The following ERICH6B variants were observed in gnomAD, a reference collection of about 807,000 sequenced individuals.
ERICH6B encodes glutamate-rich protein 6B.
ERICH6B carries 69 observed loss-of-function variants against 80.0 expected under a neutral mutation model. That is an observed-to-expected ratio of 0.86 (90% CI 0.71 to 1.05). ERICH6B has a LOEUF of 1.05. ERICH6B is among the 50% of genes least tolerant of loss of function. The pLI is 0.00. For synonymous variants in ERICH6B, 283 were observed against 291.9 expected, an observed-to-expected ratio of 0.97 and a Z score of 0.31; for missense variants, 754 against 796.1, an observed-to-expected ratio of 0.95 and a Z score of 0.64.
At chr13:45,609,531 G>C (rs1019175599) in intron 1 of ERICH6B, among the ~76,000 whole-genome samples, 4 of 152,124 alleles carry the variant, frequency 2.6e-5, no homozygotes, top group African/African-American at 9.7e-5. Flanking sequence ...CATGTTCTTT[G>C]GTCTGTAGAT....
intron 1 of ERICH6B, among the ~76,000 whole-genome samples, chr13:45,613,374 C>T (rs1169863153): frequency 6.6e-6 from 1 of 151,996 alleles, no homozygotes; most frequent in African/African-American, 2.4e-5. Flanking sequence ...GTCAGGGGTT[C>T]AGAAAATTAG....
intron 2 of ERICH6B, among the ~76,000 whole-genome samples, chr13:45,606,535 ATATATATATATATTTTTTTT>A (rs201983575): frequency 6.7e-3 from 96 of 14,422 alleles, no homozygotes; most frequent in South Asian, 0.013. Context: ...ATATATATAT[ATATATATATATATTTTTTTT>A]TTTTTTTTTT....
intron 11 of ERICH6B, among the ~76,000 whole-genome samples, chr13:45,553,936 T>G (rs572770030): frequency 2.0e-5 from 3 of 152,228 alleles, no homozygotes; most frequent in African/African-American, 4.8e-5. Flanking sequence ...ATTTAACATA[T>G]GCATTACCTC....
chr13:45,582,778 A>G (rs1310361816), intron 5 of ERICH6B, among the ~76,000 whole-genome samples: 1 of 152,210 alleles, frequency 6.6e-6, no homozygotes, highest in Non-Finnish European at 1.5e-5. Context: ...TTGTCCAGGA[A>G]CATCAGGAAA....
intron 1 of ERICH6B, among the ~76,000 whole-genome samples, chr13:45,609,039 C>A (rs999810777): frequency 3.9e-5 from 6 of 152,240 alleles, no homozygotes; most frequent in Admixed American, 1.3e-4. Flanking sequence ...TTCCTGCTAC[C>A]ACCACTGCCA....
Position 45,590,582 on chromosome 13 carries a change from A to G in ERICH6B, c.686+67T>C, listed in dbSNP as rs1052481500. 4.1e-6 allele frequency: 6 copies of G among 1,448,550 alleles called. No individual in the cohort carries two copies. In the African/African-American group the frequency reaches 8.5e-5, roughly 21 times the overall value. 89.7% of individuals were successfully genotyped at this position (1,448,550 alleles called of 1,614,324 possible). A position where few individuals can be genotyped will look rare whatever the true frequency, so the allele number is the denominator to read the frequency against. On this transcript the variant is annotated intron_variant, in intron 4 of 14. Coordinates refer to ENST00000298738, the MANE Select transcript of ERICH6B (RefSeq NM_182542.3). ...GCCACTCCCTGTCCTGTGTTCTCCAAGGGCTGCTGAAACATTGTCCCCAAG... is the reference window on the plus strand; with the variant it reads ...GCCACTCCCTGTCCTGTGTTCTCCAGGGGCTGCTGAAACATTGTCCCCAAG...
intron 11 of ERICH6B, among the ~76,000 whole-genome samples, chr13:45,553,298 G>T (rs938805613): frequency 2.6e-5 from 4 of 152,164 alleles, no homozygotes; most frequent in Admixed American, 6.5e-5. Flanking sequence ...GCTGGGGACC[G>T]CATTGCCAGT....
intron 5 of ERICH6B, among the ~76,000 whole-genome samples, chr13:45,582,186 C>T (rs1387413158): frequency 6.6e-6 from 1 of 152,216 alleles, no homozygotes; most frequent in Non-Finnish European, 1.5e-5. Flanking sequence ...TGTTGAGCCC[C>T]CACCAAGCTC....
intron 3 of ERICH6B, among the ~76,000 whole-genome samples, chr13:45,593,362 G>C (rs1192401897): frequency 6.6e-6 from 1 of 152,090 alleles, no homozygotes; most frequent in Non-Finnish European, 1.5e-5. Context: ...ATGTGGCTAG[G>C]GGTGTGTGGC....
chr13:45,569,212 G>A (rs909790943), intron 8 of ERICH6B, among the ~76,000 whole-genome samples: 1 of 152,018 alleles, frequency 6.6e-6, no homozygotes, highest in Admixed American at 6.6e-5. Flanking sequence ...TGCAACCTCC[G>A]CCTCCCGGGT....
chr13:45,568,085 A>G (rs17068920), intron 9 of ERICH6B, among the ~76,000 whole-genome samples: 33,848 of 152,090 alleles, frequency 0.22, 8,873 homozygotes, highest in African/African-American at 0.63. Context: ...TGCTTGCAAT[A>G]TCCTTGCTCT....
rs28711775 is a variant in ERICH6B, at chr13:45,596,636, C to T, written c.370G>A (p.Glu124Lys). The T allele has an allele frequency of 2.6e-6, 4 of 1,547,154 alleles. No individual in the cohort carries two copies. Among genetic ancestry groups the T allele is most frequent in the Non-Finnish European group, 3.5e-6 (4 of 1,143,380 alleles). Residue 124 changes from glutamate to lysine, a missense_variant, in exon 3 of 15, where the codon GAG becomes AAG. Transcript: ENST00000298738. Reference sequence around the variant, plus strand: ...TCTTCCTTCCCCAGGTACTCTTCCTCCTCCAGATACCCTTCCTTCCCCAGA... The same window carrying T: ...TCTTCCTTCCCCAGGTACTCTTCCTTCTCCAGATACCCTTCCTTCCCCAGA... The part of the protein sequence containing the change: ...EYLGKEGYLE[E>K]EEYLGKEEHL...
Position 45,585,434 on chromosome 13 carries a change from C to T in ERICH6B, c.856+1629G>A, listed in dbSNP as rs563959819. Among the ~76,000 whole-genome samples the T allele has an allele frequency of 3.3e-5, 5 of 152,290 alleles. No individual in the cohort carries two copies. In the South Asian group the frequency reaches 1.0e-3, roughly 32 times the overall value. ...TCTGTTGGCCAGACACAATCATATA[C>T]CTGTTGCCACCAATGCTCTCCAGAA... On this transcript the variant is annotated intron_variant, in intron 5 of 14. Transcript: ENST00000298738.
chr13:45,606,505 G>GTGTGTA (rs1374963790), intron 2 of ERICH6B, among the ~76,000 whole-genome samples: 1 of 28,708 alleles, frequency 3.5e-5, no homozygotes, highest in Non-Finnish European at 5.4e-5. Context: ...AAGTGTATGT[G>GTGTGTA]TATATATATA....
chr13:45,594,036 T>C (rs1183431561), intron 3 of ERICH6B, among the ~76,000 whole-genome samples: 1 of 152,240 alleles, frequency 6.6e-6, no homozygotes, highest in Non-Finnish European at 1.5e-5. Flanking sequence ...GCATCTGCTA[T>C]AGGTGAGGAA....
chr13:45,550,517 T>C (rs1874179429), intron 11 of ERICH6B, among the ~76,000 whole-genome samples: 1 of 152,168 alleles, frequency 6.6e-6, no homozygotes, highest in South Asian at 2.1e-4. Flanking sequence ...TGTGTGTAGA[T>C]TTTAAACTGT....
chr13:45,542,190 G>T (rs185725336), intron 14 of ERICH6B, among the ~76,000 whole-genome samples: 2 of 152,350 alleles, frequency 1.3e-5, no homozygotes, highest in Admixed American at 1.3e-4. Flanking sequence ...GCAGAAGACT[G>T]AGGACAGAGT....
rs137952829 is a variant in ERICH6B, at chr13:45,614,858, C to T, written c.-111+827G>A. Among the ~76,000 whole-genome samples the T allele has an allele frequency of 4.1e-4, 63 of 152,380 alleles. 1 individual carries two copies. In the South Asian group the frequency reaches 4.6e-3, roughly 11 times the overall value. ...CATGAGGGGAACAACTGATGACCTA[C>T]TTCTGTGAATTCCATGGTGCCAGGC... On this transcript the variant is annotated intron_variant, in intron 1 of 14. Transcript: ENST00000298738.
rs75579422 is a variant in ERICH6B, at chr13:45,596,158, C to T, written c.637+211G>A. On this transcript the variant is annotated intron_variant, in intron 3 of 14. Coordinates refer to ENST00000298738, the MANE Select transcript of ERICH6B (RefSeq NM_182542.3). ...TCAGTAAATGAGTCTTCCTCCCTGT[C>T]AGCACCATGGATAGAGTTGACAATT... is the stretch of plus-strand genomic sequence containing the variant. Among the ~76,000 whole-genome samples, 502 of 152,270 alleles carry T rather than the reference C, an allele frequency of 3.3e-3. 3 individuals are homozygous for T. The highest frequency in any genetic ancestry group is 0.011 in the African/African-American group (471 of 41,530).
Sources: allele counts gnomAD v4.1 joint callset (sites outside exome capture counted in the v4.1 genomes callset), GRCh38; gene constraint gnomAD v4.1.1; transcripts MANE v1.5; gene names NCBI Gene and HGNC (gene_info 2026-07-23, HGNC 2026-07-21).